The following CREM variants were observed in gnomAD, a reference collection of about 807,000 sequenced individuals.
CREM encodes cAMP-responsive element modulator.
Under a neutral mutation model 37.3 loss-of-function variants are expected in CREM, and 13 were observed. That is an observed-to-expected ratio of 0.35 (90% CI 0.23 to 0.55). The LOEUF (loss-of-function observed/expected upper bound fraction) is 0.55. Among genes scored for constraint, CREM ranks in the 20% least tolerant of loss-of-function variants. The pLI, the probability that CREM is intolerant of heterozygous loss-of-function variation, is 0.88. For missense variants in CREM, 296 were observed against 362.3 expected (o/e 0.82, Z 1.49); for synonymous variants, 124 against 120.2 (o/e 1.03, Z -0.21).
intron 1 of CREM, among the ~76,000 whole-genome samples, chr10:35,128,526 CT>C (rs35809404): frequency 0.26 from 32,837 of 128,430 alleles, 2,720 homozygotes; most frequent in South Asian, 0.3. Flanking sequence ...TTTTCCTAGT[CT>C]TTTTTTTTTT....
intron 3 of CREM, among the ~76,000 whole-genome samples, chr10:35,163,984 AAAAC>A (rs1288567061): frequency 1.3e-5 from 2 of 152,042 alleles, no homozygotes; most frequent in African/African-American, 4.8e-5. Flanking sequence ...CAAAAAAAAA[AAAAC>A]AAAAAAAGAG....
chr10:35,183,861 G>A (rs2094450143), intron 5 of CREM, among the ~76,000 whole-genome samples: 1 of 152,200 alleles, frequency 6.6e-6, no homozygotes, highest in Admixed American at 6.5e-5. Context: ...GATCACCTGA[G>A]GTCAGGCATT....
chr10:35,211,165 G>A, intron 7 of CREM, 89 bp from the exon 8 acceptor site: 1 of 1,442,304 alleles, frequency 6.9e-7, no homozygotes, highest in Admixed American at 2.1e-5. Context: ...TCGATTGGCT[G>A]TTGAGTTCGG....
At chr10:35,145,074 T>G (rs1266657667) in intron 2 of CREM, among the ~76,000 whole-genome samples, 2 of 147,766 alleles carry the variant, frequency 1.4e-5, no homozygotes, top group African/African-American at 5.0e-5. Context: ...GGCGGGAGAA[T>G]CGCTTGAACC....
chr10:35,186,278 T>G (rs988277200), intron 5 of CREM, among the ~76,000 whole-genome samples: 2 of 152,160 alleles, frequency 1.3e-5, no homozygotes, highest in African/African-American at 4.8e-5. Flanking sequence ...TAAATAATAC[T>G]TGTCTATTAG....
In CREM at chr10:35,137,797, CAG is replaced by C. The variant is rs753918585; in HGVS notation, c.-38_-37del. The stretch of plus-strand genomic sequence containing the variant: ...TTTACTGCAGGATAAATAAAGAAAA[CAG>C]GAAAGGAGGAAAGCATTGATTACAA... On this transcript the variant is annotated 5_prime_UTR_variant, in exon 2 of 8. Coordinates refer to ENST00000685392, the MANE Select transcript of CREM (RefSeq NM_183011.2). 68 of 1,479,564 alleles carry C rather than the reference CAG, an allele frequency of 4.6e-5. No homozygotes were observed. Among genetic ancestry groups the C allele is most frequent in the Non-Finnish European group, 5.8e-5 (64 of 1,094,192 alleles). The allele number at this position is 1,479,564 out of a possible 1,614,324, so 91.7% of individuals were successfully genotyped here. A position where few individuals can be genotyped will look rare whatever the true frequency, so the allele number is the denominator to read the frequency against.
At chr10:35,205,101 ACT>A (rs1468715176) in intron 6 of CREM, among the ~76,000 whole-genome samples, 2 of 152,118 alleles carry the variant, frequency 1.3e-5, no homozygotes, top group African/African-American at 2.4e-5. Flanking sequence ...TGACAAACTA[ACT>A]CTGGACCATA....
intron 6 of CREM, among the ~76,000 whole-genome samples, chr10:35,190,943 T>C (rs944117421): frequency 1.3e-5 from 2 of 152,172 alleles, no homozygotes; most frequent in Non-Finnish European, 2.9e-5. Flanking sequence ...ATTACAGGCA[T>C]GAGCCACCAT....
At chr10:35,178,741 T>C in intron 3 of CREM, 148 bp from the exon 4 acceptor site, 1 of 575,094 alleles carries the variant, frequency 1.7e-6, no homozygotes, top group Non-Finnish European at 3.0e-6. Flanking sequence ...GCCAGACTCC[T>C]TCAGTGCAGA....
intron 6 of CREM, among the ~76,000 whole-genome samples, chr10:35,197,551 C>T (rs994640016): frequency 4.6e-5 from 7 of 151,936 alleles, no homozygotes; most frequent in African/African-American, 1.7e-4. Context: ...CTCCCGGGTT[C>T]ACGCCATTCT....
intron 6 of CREM, among the ~76,000 whole-genome samples, chr10:35,201,884 T>G (rs2095395736): frequency 6.6e-6 from 1 of 152,176 alleles, no homozygotes; most frequent in African/African-American, 2.4e-5. Flanking sequence ...ACTGCTTATT[T>G]TAAGCATTCT....
At chr10:35,168,512 G>A (rs1451540903) in intron 3 of CREM, among the ~76,000 whole-genome samples, 1 of 152,182 alleles carries the variant, frequency 6.6e-6, no homozygotes, top group African/African-American at 2.4e-5. Context: ...ATTGTCAGAT[G>A]AGTAGATTGC....
At chr10:35,170,123 C>T (rs1001794958) in intron 3 of CREM, among the ~76,000 whole-genome samples, 46 of 152,094 alleles carry the variant, frequency 3.0e-4, no homozygotes, top group African/African-American at 9.4e-4. Flanking sequence ...CCACCACACC[C>T]GGCTAATTTT....
chr10:35,140,960 A>G (rs2091337383), intron 2 of CREM, among the ~76,000 whole-genome samples: 1 of 152,218 alleles, frequency 6.6e-6, no homozygotes, highest in African/African-American at 2.4e-5. Flanking sequence ...CACATTGTGA[A>G]AGAGATTGAA....
rs1217678945 is a variant in CREM at position 35,140,543 on chromosome 10, T to C, written c.44+2664T>C. On this transcript the variant is annotated intron_variant, in intron 2 of 7. Coordinates refer to ENST00000685392, the MANE Select transcript of CREM (RefSeq NM_183011.2). ...TTGATTAATTGGTTTATTTAGCATA[T>C]ACTGTACTAGGCACTGGGAATGCAT... 2.6e-5 allele frequency among the ~76,000 whole-genome samples: 4 copies of C among 152,204 alleles called. No individual in the cohort carries two copies. In the East Asian group the frequency reaches 7.7e-4, roughly 29 times the overall value.
intron 5 of CREM, among the ~76,000 whole-genome samples, chr10:35,184,512 A>G (rs2094472191): frequency 1.3e-5 from 2 of 152,182 alleles, no homozygotes; most frequent in African/African-American, 2.4e-5. Context: ...CTGTCATTTG[A>G]TAACAACAAA....
rs200862368 is a variant in CREM, at chr10:35,190,883, C to G, written c.598+2495C>G. The stretch of plus-strand genomic sequence containing the variant: ...TTCACCATGTTCGCCAGGATGGTCT[C>G]GATCTCCTGACCTCATGATCCGCCC... On this transcript the variant is annotated intron_variant, in intron 6 of 7. Coordinates refer to ENST00000685392, the MANE Select transcript of CREM (RefSeq NM_183011.2). Among the ~76,000 whole-genome samples, 5 of 152,000 alleles carry G rather than the reference C, an allele frequency of 3.3e-5. No individual in the cohort carries two copies. The East Asian group carries it at 9.6e-4, about 29-fold the overall frequency.
intron 3 of CREM, chr10:35,167,934 T>G: frequency 1.3e-6 from 1 of 771,748 alleles, no homozygotes; most frequent in Non-Finnish European, 2.1e-6. Flanking sequence ...TTACTGAGAA[T>G]GATGATTTCC....
intron 6 of CREM, chr10:35,196,226 A>T: frequency 1.2e-6 from 1 of 833,186 alleles, no homozygotes; most frequent in Non-Finnish European, 1.9e-6. Context: ...GGAACTTGCG[A>T]TTCAGAGCTC....
Sources: gnomAD v4.1 joint callset for allele counts (sites outside exome capture counted in the v4.1 genomes callset) on GRCh38, gnomAD v4.1.1 for gene constraint, MANE v1.5 for transcripts, NCBI Gene and HGNC (gene_info 2026-07-23, HGNC 2026-07-21) for gene names.